PGCKA1: variants seen among roughly 807,000 people sequenced by gnomAD.
PGCKA1 encodes the protein PDCD10 and GCKIII kinases associated 1.
At chr4:37,564,500 C>CTTTT in the PGCKA1 span, among the ~76,000 whole-genome samples, 1 of 112,180 alleles carries the variant, frequency 8.9e-6, no homozygotes, top group African/African-American at 2.9e-5. Flanking sequence ...GGGTGTCTGA[C>CTTTT]TTTTTTATTT....
the PGCKA1 span, among the ~76,000 whole-genome samples, chr4:37,474,736 G>A: frequency 6.6e-6 from 1 of 152,180 alleles, no homozygotes; most frequent in African/African-American, 2.4e-5. Flanking sequence ...GGATGATGAA[G>A]CTAGTAAGTG....
chr4:37,466,506 T>C, the PGCKA1 span, among the ~76,000 whole-genome samples: 1 of 145,862 alleles, frequency 6.9e-6, no homozygotes, highest in East Asian at 1.9e-4. Context: ...AACTGAGGAG[T>C]AATAAGATTT....
At chr4:37,527,824 G>A in the PGCKA1 span, among the ~76,000 whole-genome samples, 16 of 124,726 alleles carry the variant, frequency 1.3e-4, no homozygotes, top group South Asian at 7.5e-4. Flanking sequence ...GCAAGACTCC[G>A]TCTCAAAAAA....
chr4:37,456,754 T>G, the PGCKA1 span, among the ~76,000 whole-genome samples: 1 of 152,222 alleles, frequency 6.6e-6, no homozygotes, highest in East Asian at 1.9e-4. Context: ...TTGAAGGATC[T>G]TAAGCACAGC....
chr4:37,468,028 G>A, the PGCKA1 span, among the ~76,000 whole-genome samples: 101 of 152,316 alleles, frequency 6.6e-4, no homozygotes, highest in East Asian at 0.01. Context: ...TTATGCTGGG[G>A]AAATGAACTT....
the PGCKA1 span, among the ~76,000 whole-genome samples, chr4:37,481,464 CAAAAAAAAAAAAAAA>C: frequency 2.5e-3 from 152 of 61,442 alleles, no homozygotes; most frequent in African/African-American, 8.0e-3. Context: ...GACCTGTCTC[CAAAAAAAAAAAAAAA>C]AAAAAAAAAA....
the PGCKA1 span, among the ~76,000 whole-genome samples, chr4:37,469,357 G>A: frequency 6.6e-6 from 1 of 152,126 alleles, no homozygotes; most frequent in African/African-American, 2.4e-5. Context: ...AGCTTACATT[G>A]TTCTTTTCGC....
At chr4:37,544,679 T>C in the PGCKA1 span, among the ~76,000 whole-genome samples, 1 of 151,920 alleles carries the variant, frequency 6.6e-6, no homozygotes, top group Non-Finnish European at 1.5e-5. Flanking sequence ...AAAACATAGC[T>C]TTCAGTTTGG....
At chr4:37,514,050 G>A in the PGCKA1 span, among the ~76,000 whole-genome samples, 3 of 152,152 alleles carry the variant, frequency 2.0e-5, no homozygotes, top group Non-Finnish European at 2.9e-5. Flanking sequence ...TAGGAGGCTG[G>A]AAAGTCAAAA....
the PGCKA1 span, among the ~76,000 whole-genome samples, chr4:37,515,074 G>A: frequency 5.9e-5 from 9 of 152,206 alleles, no homozygotes; most frequent in African/African-American, 2.2e-4. Flanking sequence ...CCCTTAATGT[G>A]ATGGTCTTAG....
At chr4:37,509,923 G>T in the PGCKA1 span, among the ~76,000 whole-genome samples, 1 of 150,086 alleles carries the variant, frequency 6.7e-6, no homozygotes, top group Non-Finnish European at 1.5e-5. Context: ...GTACAGTCCA[G>T]CTTCGGCTGG....
chr4:37,541,116 C>A, the PGCKA1 span, among the ~76,000 whole-genome samples: 4 of 152,230 alleles, frequency 2.6e-5, no homozygotes, highest in African/African-American at 9.6e-5. Context: ...CATGTTCCCA[C>A]CAGTTATTAT....
At chr4:37,453,334 G>A in the PGCKA1 span, among the ~76,000 whole-genome samples, 22 of 152,116 alleles carry the variant, frequency 1.4e-4, no homozygotes, top group Non-Finnish European at 2.2e-4. Context: ...AGGAGGGGAC[G>A]GGGAACCAGG....
the PGCKA1 span, among the ~76,000 whole-genome samples, chr4:37,519,504 G>A: frequency 6.6e-6 from 1 of 151,864 alleles, no homozygotes; most frequent in Non-Finnish European, 1.5e-5. Context: ...TAATCCCTAG[G>A]TATTTACTTG....
At chr4:37,565,503 G>A in the PGCKA1 span, among the ~76,000 whole-genome samples, 2 of 152,132 alleles carry the variant, frequency 1.3e-5, no homozygotes, top group African/African-American at 4.8e-5. Context: ...TGACTCCACA[G>A]ACACCTTCCT....
chr4:37,577,635 C>A, the PGCKA1 span, among the ~76,000 whole-genome samples: 1 of 151,872 alleles, frequency 6.6e-6, no homozygotes. Context: ...CTTTAAAGTG[C>A]ATTTTAGGTT....
At chr4:37,455,284 G>A in the PGCKA1 span, among the ~76,000 whole-genome samples, 32 of 152,196 alleles carry the variant, frequency 2.1e-4, no homozygotes, top group Admixed American at 2.1e-3. Context: ...ACTGGTCCCA[G>A]CTGTGAAACA....
the PGCKA1 span, among the ~76,000 whole-genome samples, chr4:37,455,639 G>A: frequency 1.3e-5 from 2 of 152,286 alleles, no homozygotes; most frequent in East Asian, 1.9e-4. Context: ...GAGCTTTTTG[G>A]ATATCTGGGA....
At chr4:37,533,424 C>T in the PGCKA1 span, among the ~76,000 whole-genome samples, 62 of 152,266 alleles carry the variant, frequency 4.1e-4, no homozygotes, top group African/African-American at 1.4e-3. Context: ...TCACGCATAT[C>T]GTTATATGAT....
Sources: gnomAD v4.1 joint callset for allele counts (sites outside exome capture counted in the v4.1 genomes callset) on GRCh38, gnomAD v4.1.1 for gene constraint, MANE v1.5 for transcripts, NCBI Gene and HGNC (gene_info 2026-07-23, HGNC 2026-07-21) for gene names.